Variants in NPNT observed in about 807,000 individuals in gnomAD.
The protein encoded by NPNT is preosteoblast EGF-like repeat protein with MAM domain.
NPNT carries 45 observed loss-of-function variants against 68.6 expected under a neutral mutation model. The observed-to-expected ratio is 0.66, with a 90% CI of 0.52 to 0.84. NPNT has a LOEUF of 0.84. Among genes scored for constraint, NPNT ranks in the 40% least tolerant of loss-of-function variants. NPNT has a pLI of 0.00. For missense variants in NPNT, 672 were observed against 714.8 expected (o/e 0.94, Z 0.68); for synonymous variants, 233 against 253.3 (o/e 0.92, Z 0.76).
rs1428614395 is a variant in NPNT, at chr4:105,971,082, T to C, written c.*2092T>C. On this transcript the variant is annotated 3_prime_UTR_variant, in exon 12 of 12. Coordinates refer to ENST00000379987, the MANE Select transcript of NPNT (RefSeq NM_001033047.3). ...AGGTATAAGCCTTTCATTTGTTCAA[T>C]GGATGATGTTTCAGATTTTTTTTTT... The C allele has an allele frequency of 4.6e-6, 2 of 437,562 alleles. No individual in the cohort carries two copies. Among genetic ancestry groups the C allele is most frequent in the African/African-American group, 4.1e-5 (2 of 48,982 alleles). The allele number at this position is 437,562 out of a possible 1,614,324, so 27.1% of individuals were successfully genotyped here. A position where few individuals can be genotyped will look rare whatever the true frequency, so the allele number is the denominator to read the frequency against.
chr4:105,948,613 A>C (rs553002685), intron 8 of NPNT, among the ~76,000 whole-genome samples: 1 of 152,126 alleles, frequency 6.6e-6, no homozygotes, highest in Non-Finnish European at 1.5e-5. Context: ...TAAGGTTGCA[A>C]CTTTTTATGT....
Position 105,938,422 on chromosome 4 carries a change from T to G in NPNT, c.505+2T>G. 6.2e-7 allele frequency: 1 copy of G among 1,612,158 alleles called. No individual in the cohort carries two copies. The highest frequency in any genetic ancestry group is 8.5e-7 in the Non-Finnish European group (1 of 1,179,310). On this transcript the variant is annotated splice_donor_variant, in intron 5 of 11. Coordinates refer to ENST00000379987, the MANE Select transcript of NPNT (RefSeq NM_001033047.3). LOFTEE classifies it high-confidence loss of function. ...CTCCTGATGGGAGGACCTGTGTAGG[T>G]GAGTTGTAAAATCAAGCATCTCTGT...
At chr4:105,966,021 A>AGAC (rs386401076) in intron 10 of NPNT, among the ~76,000 whole-genome samples, 1 of 151,926 alleles carries the variant, frequency 6.6e-6, no homozygotes, top group Non-Finnish European at 1.5e-5. Context: ...TTGTTAGAGA[A>AGAC]GACACTGGAA....
At chr4:105,899,622 A>AT (rs1419015180) in intron 2 of NPNT, among the ~76,000 whole-genome samples, 1 of 152,226 alleles carries the variant, frequency 6.6e-6, no homozygotes, top group Non-Finnish European at 1.5e-5. Context: ...TTAGGCAAAC[A>AT]TTCGTTTGCT....
intron 3 of NPNT, 54 bp downstream of exon 3, chr4:105,927,482 A>T (rs1435807573): frequency 9.6e-7 from 1 of 1,036,738 alleles, no homozygotes; most frequent in East Asian, 2.5e-5. Flanking sequence ...TATCACTCCC[A>T]AATTAAAAAT....
At chr4:105,940,035 C>A (rs770515198) in intron 5 of NPNT, 40 bp from the exon 6 acceptor site, 3 of 1,591,690 alleles carry the variant, frequency 1.9e-6, no homozygotes, top group Admixed American at 3.3e-5. Flanking sequence ...TCTTAACATA[C>A]CCTTGCTCTT....
chr4:105,948,001 A>G (rs1730521330), intron 8 of NPNT, among the ~76,000 whole-genome samples: 1 of 152,166 alleles, frequency 6.6e-6, no homozygotes, highest in African/African-American at 2.4e-5. Context: ...ATGGAATTTT[A>G]TATTGGATTT....
chr4:105,971,274 G>A lies in NPNT; in HGVS notation c.*2284G>A. Reference sequence around the variant, plus strand: ...TATGATTCAGTTTCTCTTATCAATTGGACTCTCCCAGGTTCCACAGAACAG... The same window carrying A: ...TATGATTCAGTTTCTCTTATCAATTAGACTCTCCCAGGTTCCACAGAACAG... On this transcript the variant is annotated 3_prime_UTR_variant, in exon 12 of 12. Coordinates refer to ENST00000379987, the MANE Select transcript of NPNT (RefSeq NM_001033047.3). 1 of 402,234 alleles carries A rather than the reference G, an allele frequency of 2.5e-6. No homozygotes were observed. The allele number at this position is 402,234 out of a possible 1,614,324, so 24.9% of individuals were successfully genotyped here.
chr4:105,916,623 T>A (rs1178672011), intron 2 of NPNT, among the ~76,000 whole-genome samples: 1 of 152,214 alleles, frequency 6.6e-6, no homozygotes, highest in Non-Finnish European at 1.5e-5. Context: ...TCCAGTCTGC[T>A]TTCCTGATTT....
chr4:105,895,875 G>C (rs2149304759), intron 1 of NPNT, 152 bp downstream of exon 1: 3 of 673,702 alleles, frequency 4.5e-6, no homozygotes, highest in Non-Finnish European at 4.9e-6. Context: ...CGAGGAGAGC[G>C]GTCCAGCGGC....
At chr4:105,941,539 T>G (rs987853520) in intron 7 of NPNT, among the ~76,000 whole-genome samples, 2 of 152,156 alleles carry the variant, frequency 1.3e-5, no homozygotes, top group Admixed American at 6.5e-5. Flanking sequence ...CCGTAAAATA[T>G]TTACTGAAAA....
chr4:105,931,055 C>T (rs1027022480), intron 3 of NPNT, among the ~76,000 whole-genome samples: 9 of 152,188 alleles, frequency 5.9e-5, no homozygotes, highest in African/African-American at 1.9e-4. Flanking sequence ...AACCTGAATT[C>T]TGGCAAGATT....
At chr4:105,947,249 G>T (rs1465493196) in intron 8 of NPNT, among the ~76,000 whole-genome samples, 4 of 152,056 alleles carry the variant, frequency 2.6e-5, no homozygotes, top group Non-Finnish European at 4.4e-5. Context: ...AAGGTGTACT[G>T]ATTTCATATT....
chr4:105,942,017 G>C lies in NPNT; in HGVS notation c.764-290G>C, dbSNP rs145735461. Among the ~76,000 whole-genome samples the C allele has an allele frequency of 3.7e-3, 560 of 151,434 alleles. 5 individuals are homozygous for C. The highest frequency in any genetic ancestry group is 0.013 in the African/African-American group (546 of 41,232). ...CAAATATTTAAAATGTTTTTATGTT[G>C]CAAATAATACATATAAATTATTTAA... On this transcript the variant is annotated intron_variant, in intron 7 of 11. Transcript: ENST00000379987.
chr4:105,937,758 A>G (rs1028006209), intron 4 of NPNT, among the ~76,000 whole-genome samples: 3 of 152,190 alleles, frequency 2.0e-5, no homozygotes, highest in South Asian at 2.1e-4. Context: ...AAAATTCTCT[A>G]TAGGCTGACT....
At chr4:105,943,088 A>ATT (rs1401755464) in intron 8 of NPNT, among the ~76,000 whole-genome samples, 1 of 152,216 alleles carries the variant, frequency 6.6e-6, no homozygotes, top group Non-Finnish European at 1.5e-5. Flanking sequence ...TTAGAGTGTC[A>ATT]AGAAGGCCTT....
At chr4:105,948,565 C>T (rs909464458) in intron 8 of NPNT, among the ~76,000 whole-genome samples, 1 of 152,120 alleles carries the variant, frequency 6.6e-6, no homozygotes, top group Non-Finnish European at 1.5e-5. Context: ...TTTTGTTTAT[C>T]ACTGTAAATA....
chr4:105,953,130 C>T (rs142926939), intron 8 of NPNT, among the ~76,000 whole-genome samples: 1,716 of 152,232 alleles, frequency 0.011, 8 homozygotes, highest in Middle Eastern at 0.014. Flanking sequence ...CGTGCCTCTG[C>T]ACTCCAGCCT....
chr4:105,920,407 A>AAAAAAAAACAAAAAAAAAAAC (rs1560902463), intron 2 of NPNT, among the ~76,000 whole-genome samples: 6 of 151,186 alleles, frequency 4.0e-5, no homozygotes, highest in African/African-American at 1.5e-4. Flanking sequence ...AAAAAAAAAA[A>AAAAAAAAACAAAAAAAAAAAC]AAAAAAAAAA....
Sources: gnomAD v4.1 joint callset for allele counts (sites outside exome capture counted in the v4.1 genomes callset) on GRCh38, gnomAD v4.1.1 for gene constraint, MANE v1.5 for transcripts, NCBI Gene and HGNC (gene_info 2026-07-23, HGNC 2026-07-21) for gene names.